The following STPG2 variants were observed in gnomAD, a reference collection of about 807,000 sequenced individuals.
The protein encoded by STPG2 is sperm-tail PG-rich repeat-containing protein 2.
A neutral mutation model predicts 54.2 loss-of-function variants in STPG2; 56 were observed. That is an observed-to-expected ratio of 1.03 (90% CI 0.83 to 1.29). STPG2 has a LOEUF of 1.29. Ranked by LOEUF, STPG2 falls within the 50% of genes most tolerant of loss-of-function variation. STPG2 has a pLI of 0.00. For missense variants in STPG2, 596 were observed against 544.9 expected, an observed-to-expected ratio of 1.09 and a Z score of -0.93; for synonymous variants, 200 against 181.8, an observed-to-expected ratio of 1.10 and a Z score of -0.81.
At chr4:97,760,359 A>G (rs886653285) in intron 9 of STPG2, among the ~76,000 whole-genome samples, 7 of 152,190 alleles carry the variant, frequency 4.6e-5, no homozygotes, top group African/African-American at 7.2e-5. Flanking sequence ...CCACTGTGCT[A>G]TAAGTACCTT....
chr4:97,605,310 C>T (rs1336326153), intron 10 of STPG2, among the ~76,000 whole-genome samples: 1 of 151,664 alleles, frequency 6.6e-6, no homozygotes, highest in Non-Finnish European at 1.5e-5. Flanking sequence ...TAAAGTACTT[C>T]AATATACAAT....
chr4:97,614,290 C>G (rs1244826561), intron 10 of STPG2, among the ~76,000 whole-genome samples: 1 of 117,744 alleles, frequency 8.5e-6, no homozygotes, highest in Non-Finnish European at 1.8e-5. Flanking sequence ...TATGTGCCCT[C>G]TAAAGAGATT....
chr4:97,955,361 TCTGCCACCATGC>T (rs1194855893), intron 7 of STPG2, among the ~76,000 whole-genome samples: 2 of 151,972 alleles, frequency 1.3e-5, no homozygotes, highest in African/African-American at 2.4e-5. Context: ...ACTACAGGTG[TCTGCCACCATGC>T]CTGGCTAATT....
chr4:97,938,079 C>T (rs530086806), intron 8 of STPG2, among the ~76,000 whole-genome samples: 22 of 152,226 alleles, frequency 1.4e-4, no homozygotes, highest in African/African-American at 3.4e-4. Context: ...CCTAAGCCCC[C>T]GGCTGGAGTT....
chr4:97,873,307 T>A (rs1730057319), intron 8 of STPG2, among the ~76,000 whole-genome samples: 1 of 151,314 alleles, frequency 6.6e-6, no homozygotes, highest in Non-Finnish European at 1.5e-5. Flanking sequence ...AAATATTTAC[T>A]CTTTCATTTA....
At chr4:98,126,006 T>A (rs980751683) in intron 3 of STPG2, among the ~76,000 whole-genome samples, 1 of 152,208 alleles carries the variant, frequency 6.6e-6, no homozygotes, top group Admixed American at 6.5e-5. Flanking sequence ...CCAGTCTCTC[T>A]GGCACTGGCA....
chr4:97,718,806 C>A (rs1314202937), intron 9 of STPG2, among the ~76,000 whole-genome samples: 1 of 151,896 alleles, frequency 6.6e-6, no homozygotes, highest in Non-Finnish European at 1.5e-5. Context: ...TGTAAATATT[C>A]TTAACCTTGT....
chr4:97,984,268 C>G (rs1734763769), intron 5 of STPG2, among the ~76,000 whole-genome samples: 1 of 152,174 alleles, frequency 6.6e-6, no homozygotes, highest in Non-Finnish European at 1.5e-5. Flanking sequence ...CCTCAGCCTT[C>G]TGAGTAGCTG....
At chr4:98,119,781 T>C (rs1739625428) in intron 3 of STPG2, among the ~76,000 whole-genome samples, 1 of 152,026 alleles carries the variant, frequency 6.6e-6, no homozygotes, top group South Asian at 2.1e-4. Flanking sequence ...GTTGTTCCCC[T>C]CCTTGTGCCC....
intron 9 of STPG2, among the ~76,000 whole-genome samples, chr4:97,729,233 AG>A (rs1220006159): frequency 2.6e-5 from 4 of 151,820 alleles, no homozygotes; most frequent in Middle Eastern, 3.4e-3. Context: ...AGGAGCTTTG[AG>A]TGACACTGGT....
chr4:97,739,445 A>T (rs1725141777), intron 9 of STPG2, among the ~76,000 whole-genome samples: 1 of 152,192 alleles, frequency 6.6e-6, no homozygotes, highest in African/African-American at 2.4e-5. Flanking sequence ...TGAAAGGATC[A>T]ACAAAATTGA....
intron 8 of STPG2, among the ~76,000 whole-genome samples, chr4:97,899,226 C>T: frequency 6.6e-6 from 1 of 151,654 alleles, no homozygotes. Context: ...TTTACAATTG[C>T]CACAAAAAGA....
intron 7 of STPG2, among the ~76,000 whole-genome samples, chr4:97,948,529 C>T (rs1031857701): frequency 4.6e-5 from 7 of 151,982 alleles, no homozygotes; most frequent in African/African-American, 1.7e-4. Flanking sequence ...TGTGGTCTTT[C>T]AGGCTCTGAT....
At chr4:97,879,453 A>C (rs759067853) in intron 8 of STPG2, among the ~76,000 whole-genome samples, 1 of 152,164 alleles carries the variant, frequency 6.6e-6, no homozygotes, top group African/African-American at 2.4e-5. Flanking sequence ...GCTGGAAGGC[A>C]AAAGGCATGT....
At chr4:97,954,642 C>A (rs1230250328) in intron 7 of STPG2, among the ~76,000 whole-genome samples, 1 of 152,164 alleles carries the variant, frequency 6.6e-6, no homozygotes, top group Non-Finnish European at 1.5e-5. Context: ...GAAAATGAAA[C>A]AACCAAGAGG....
intron 9 of STPG2, among the ~76,000 whole-genome samples, chr4:97,767,704 T>C (rs1446513457): frequency 6.6e-6 from 1 of 152,164 alleles, no homozygotes; most frequent in Non-Finnish European, 1.5e-5. Flanking sequence ...GAATGTGTTA[T>C]TTTAATCAGT....
intron 4 of STPG2, among the ~76,000 whole-genome samples, chr4:97,481,672 A>G (rs1183691080): frequency 3.3e-5 from 5 of 151,648 alleles, no homozygotes; most frequent in Non-Finnish European, 7.4e-5. Flanking sequence ...TAGAAACACT[A>G]TTAATTTTTG....
At position 97,572,071 on chromosome 4, in the gene STPG2, T is replaced by G. The variant is rs561719770; in HGVS notation, c.1321-12954A>C. ...GCTTGAATACAATGCTTTCTGAACA[T>G]TTTTAAGGTTCTCATCAGACTATTG... On this transcript the variant is annotated intron_variant, in intron 10 of 10. Transcript: ENST00000295268. Among the ~76,000 whole-genome samples, 4 of 152,280 alleles carry G rather than the reference T, an allele frequency of 2.6e-5. No individual in the cohort carries two copies. The East Asian group carries it at 7.7e-4, about 29-fold the overall frequency.
At chr4:97,779,034 T>C (rs1337818416) in intron 9 of STPG2, among the ~76,000 whole-genome samples, 1 of 152,154 alleles carries the variant, frequency 6.6e-6, no homozygotes, top group Non-Finnish European at 1.5e-5. Flanking sequence ...CCTCCTCCCC[T>C]GCAAAGGAAC....
Sources: allele counts gnomAD v4.1 joint callset (sites outside exome capture counted in the v4.1 genomes callset), GRCh38; gene constraint gnomAD v4.1.1; transcripts MANE v1.5; gene names NCBI Gene and HGNC (gene_info 2026-07-23, HGNC 2026-07-21).